Variants in EFHC1 observed in about 807,000 individuals in gnomAD.
EFHC1 encodes the protein EF-hand domain-containing protein 1.
EFHC1 carries 53 observed loss-of-function variants against 69.9 expected under a neutral mutation model. The observed-to-expected ratio is 0.76, with a 90% CI of 0.61 to 0.95. The LOEUF (loss-of-function observed/expected upper bound fraction) is 0.95, where lower values mean the gene tolerates loss of function less well. Ranked by LOEUF, EFHC1 falls within the 40% of genes least tolerant of loss-of-function variation. The pLI is 0.00. For missense variants in EFHC1, 739 were observed against 798.7 expected, an observed-to-expected ratio of 0.93 and a Z score of 0.90; for synonymous variants, 256 against 278.4, an observed-to-expected ratio of 0.92 and a Z score of 0.80.
intron 2 of EFHC1, among the ~76,000 whole-genome samples, chr6:52,435,753 T>C (rs1274350596): frequency 6.6e-6 from 1 of 152,230 alleles, no homozygotes; most frequent in East Asian, 1.9e-4. Context: ...TTACCACTGC[T>C]TAGAAGCCCC....
At chr6:52,480,113 T>C (rs1035441063) in intron 9 of EFHC1, 4 of 557,084 alleles carry the variant, frequency 7.2e-6, no homozygotes, top group African/African-American at 3.8e-5. Flanking sequence ...TAAGCCTTAC[T>C]GATAACATAA....
chr6:52,465,614 C>A (rs555909849), intron 6 of EFHC1, among the ~76,000 whole-genome samples: 135 of 151,982 alleles, frequency 8.9e-4, no homozygotes, highest in African/African-American at 2.9e-3. Context: ...CTAGACCAGC[C>A]TGGCCAACGT....
chr6:52,450,065 A>C (rs1764881629), intron 3 of EFHC1, among the ~76,000 whole-genome samples: 3 of 152,176 alleles, frequency 2.0e-5, no homozygotes, highest in African/African-American at 7.2e-5. Context: ...TTATTTACCC[A>C]AAAGTCATTC....
intron 4 of EFHC1, 189 bp downstream of exon 4, chr6:52,453,026 A>G: frequency 6.5e-7 from 1 of 1,530,586 alleles, no homozygotes; most frequent in Non-Finnish European, 8.7e-7. Context: ...TACATTTCAT[A>G]TGGAGATCCA....
At chr6:52,453,637 A>G (rs1332065395) in intron 4 of EFHC1, 2 of 1,254,300 alleles carry the variant, frequency 1.6e-6, no homozygotes, top group Non-Finnish European at 2.0e-6. Context: ...AAAAAAAAAA[A>G]AAGATTGTGT....
At position 52,492,885 on chromosome 6, in the gene EFHC1, G is replaced by A; in HGVS notation, c.*544G>A. 3 of 453,434 alleles carry A rather than the reference G, an allele frequency of 6.6e-6. No individual in the cohort carries two copies. Among genetic ancestry groups the A allele is most frequent in the South Asian group, 4.7e-5 (3 of 64,288 alleles). The allele number at this position is 453,434 out of a possible 1,614,324, so 28.1% of individuals were successfully genotyped here. On this transcript the variant is annotated 3_prime_UTR_variant, in exon 11 of 11. Transcript: ENST00000371068. ...TCCCACCTCAGCCTCCAAAAGTGCT[G>A]GGATTATAGGCATGAGCCACTGTGC...
At chr6:52,467,668 C>T (rs1278196876) in intron 6 of EFHC1, among the ~76,000 whole-genome samples, 7 of 152,170 alleles carry the variant, frequency 4.6e-5, no homozygotes, top group Admixed American at 2.6e-4. Flanking sequence ...TGCTCTATCC[C>T]AGCCCTTTTG....
rs1386556718 is a variant in EFHC1 at position 52,438,534 on chromosome 6, A to C, written c.516A>C (p.Ile172=). 2 of 1,614,100 alleles carry C rather than the reference A, an allele frequency of 1.2e-6. No homozygotes were observed. The highest frequency in any genetic ancestry group is 1.7e-6 in the Non-Finnish European group (2 of 1,179,974). ...ATTGGAAAGACCTAAATCGAGGAAT[A>C]AACATCACAATTTATGGCAAAACTT... ...HYHWKDLNRG[I]NITIYGKTFR... Residue 172 remains isoleucine, a synonymous_variant, in exon 3 of 11, where the codon ATA becomes ATC. Transcript: ENST00000371068.
At chr6:52,469,804 G>A (rs1283848369) in intron 7 of EFHC1, among the ~76,000 whole-genome samples, 1 of 152,238 alleles carries the variant, frequency 6.6e-6, no homozygotes, top group East Asian at 1.9e-4. Context: ...GTGTATCTGT[G>A]TGGCTTTTTG....
intron 9 of EFHC1, chr6:52,487,642 GC>G (rs1415084377): frequency 6.6e-6 from 1 of 152,122 alleles, no homozygotes; most frequent in Non-Finnish European, 1.5e-5. Flanking sequence ...GGAGGACTTT[GC>G]CAGGATGCTC....
Position 52,452,696 on chromosome 6 carries a change from A to G in EFHC1, c.582A>G (p.Leu194=), listed in dbSNP as rs537516904. 1 of 1,614,168 alleles carries G rather than the reference A, an allele frequency of 6.2e-7. No individual in the cohort carries two copies. The highest frequency in any genetic ancestry group is 1.3e-5 in the African/African-American group (1 of 75,056). Reference sequence around the variant, plus strand: ...AACTTTCAATTATTTAGGTATTTTTAGAAAGCCAAGGAATTGAGTTAAATC... The same window carrying G: ...AACTTTCAATTATTTAGGTATTTTTGGAAAGCCAAGGAATTGAGTTAAATC... ...VDCDQFTQVF[L]ESQGIELNPP... is the part of the protein sequence containing the mutation. Residue 194 remains leucine (L), a synonymous_variant, in exon 4 of 11, where the codon TTA becomes TTG. Transcript: ENST00000371068.
chr6:52,446,385 C>T (rs1562449882), intron 3 of EFHC1, among the ~76,000 whole-genome samples: 1 of 152,116 alleles, frequency 6.6e-6, no homozygotes, highest in Non-Finnish European at 1.5e-5. Context: ...ATTGCAACCC[C>T]TGCTTTTTTT....
chr6:52,492,637 T>C lies in EFHC1; in HGVS notation c.*296T>C, dbSNP rs1434842512. 1 of 488,824 alleles carries C rather than the reference T, an allele frequency of 2.0e-6. No homozygotes were observed. Among genetic ancestry groups the C allele is most frequent in the African/African-American group, 1.9e-5 (1 of 51,350 alleles). The allele number at this position is 488,824 out of a possible 1,614,324, so 30.3% of individuals were successfully genotyped here. ...TTAAAAAAATAAATTTTTTTAGAGA[T>C]GGGATCTCACTCTGTCATACAGGCT... On this transcript the variant is annotated 3_prime_UTR_variant, in exon 11 of 11. Coordinates refer to ENST00000371068, the MANE Select transcript of EFHC1 (RefSeq NM_018100.4).
intron 5 of EFHC1, among the ~76,000 whole-genome samples, chr6:52,455,322 C>G (rs1008423287): frequency 1.3e-5 from 2 of 150,866 alleles, no homozygotes; most frequent in Non-Finnish European, 3.0e-5. Context: ...ATTTTTTTTT[C>G]TTTTTACTAT....
intron 7 of EFHC1, among the ~76,000 whole-genome samples, chr6:52,475,549 AATGTC>A (rs1207473686): frequency 6.6e-6 from 1 of 152,336 alleles, no homozygotes; most frequent in East Asian, 1.9e-4. Flanking sequence ...AAAGCAGCTG[AATGTC>A]TTCCAAGAGA....
intron 2 of EFHC1, among the ~76,000 whole-genome samples, chr6:52,434,884 CATAT>C (rs59802769): frequency 6.7e-6 from 1 of 148,688 alleles, no homozygotes. Flanking sequence ...TACCTGAGAC[CATAT>C]ATATATATAT....
rs765798459 is a variant in EFHC1 at position 52,452,782 on chromosome 6, ATGTC to A, written c.669_672del (p.Tyr223Ter). ...CTCCGAAAACAGCCTCTTCGTAAGT[ATGTC>A]ACCCCATCAGACTTTGATCAACTCA... On this transcript the variant is annotated frameshift_variant, in exon 4 of 11. Coordinates refer to ENST00000371068, the MANE Select transcript of EFHC1 (RefSeq NM_018100.4). LOFTEE classifies it high-confidence loss of function. The A allele has an allele frequency of 3.2e-5, 52 of 1,614,080 alleles. No homozygotes were observed. Among genetic ancestry groups the A allele is most frequent in the Non-Finnish European group, 4.4e-5 (52 of 1,180,036 alleles).
chr6:52,453,264 A>G, intron 4 of EFHC1: 1 of 1,288,184 alleles, frequency 7.8e-7, no homozygotes, highest in Non-Finnish European at 1.0e-6. Context: ...GTTTAATTTC[A>G]CAGAAGCCCC....
intron 5 of EFHC1, among the ~76,000 whole-genome samples, chr6:52,463,773 A>T (rs756817222): frequency 6.6e-6 from 1 of 152,204 alleles, no homozygotes; most frequent in Non-Finnish European, 1.5e-5. Flanking sequence ...ATCACAAGCT[A>T]TGTCCCTCAT....
Sources: gnomAD v4.1 joint callset for allele counts (sites outside exome capture counted in the v4.1 genomes callset) on GRCh38, gnomAD v4.1.1 for gene constraint, MANE v1.5 for transcripts, NCBI Gene and HGNC (gene_info 2026-07-23, HGNC 2026-07-21) for gene names.